Variants in UVRAG observed in about 807,000 individuals in gnomAD.
UVRAG encodes the protein UV radiation resistance associated.
A neutral mutation model predicts 78.0 loss-of-function variants in UVRAG; 19 were observed. The observed-to-expected ratio is 0.24, with a 90% CI of 0.17 to 0.36. The LOEUF (loss-of-function observed/expected upper bound fraction) is 0.36. Ranked by LOEUF, UVRAG falls within the 10% of genes least tolerant of loss-of-function variation. UVRAG has a pLI of 1.00. For synonymous variants in UVRAG, 323 were observed against 324.6 expected (o/e 1.00, Z 0.05); for missense variants, 740 against 853.8 (o/e 0.87, Z 1.66).
intron 5 of UVRAG, among the ~76,000 whole-genome samples, chr11:75,890,282 G>A (rs1947187742): frequency 6.6e-6 from 1 of 152,200 alleles, no homozygotes; most frequent in South Asian, 2.1e-4. Flanking sequence ...GAAGAGGCAA[G>A]AATATTTGTG....
At chr11:75,973,809 G>C (rs562664116) in intron 7 of UVRAG, among the ~76,000 whole-genome samples, 3 of 152,264 alleles carry the variant, frequency 2.0e-5, no homozygotes, top group African/African-American at 7.2e-5. Flanking sequence ...TGAGGTGTTT[G>C]GTTTTCTGTC....
chr11:76,028,469 C>T (rs1217795834), intron 12 of UVRAG, among the ~76,000 whole-genome samples: 1 of 152,118 alleles, frequency 6.6e-6, no homozygotes, highest in African/African-American at 2.4e-5. Context: ...CTGAGATGGG[C>T]TGAAAGCTAG....
chr11:76,047,282 C>T (rs1305280130), intron 12 of UVRAG, among the ~76,000 whole-genome samples: 1 of 152,118 alleles, frequency 6.6e-6, no homozygotes, highest in Non-Finnish European at 1.5e-5. Flanking sequence ...GGTTCAGTGC[C>T]AGCTGTGGCC....
At chr11:75,889,016 T>C in intron 5 of UVRAG, 113 bp downstream of exon 5, 1 of 890,720 alleles carries the variant, frequency 1.1e-6, no homozygotes, top group Non-Finnish European at 1.6e-6. Context: ...TGCTTTAAAT[T>C]TGTTGCTTAG....
intron 12 of UVRAG, among the ~76,000 whole-genome samples, chr11:76,047,225 A>G (rs1034164271): frequency 1.3e-5 from 2 of 152,318 alleles, no homozygotes; most frequent in South Asian, 4.1e-4. Context: ...CAGAGAGGAT[A>G]GAACATTTGC....
At chr11:75,887,633 G>C (rs919115595) in intron 4 of UVRAG, among the ~76,000 whole-genome samples, 1 of 151,954 alleles carries the variant, frequency 6.6e-6, no homozygotes, top group African/African-American at 2.4e-5. Context: ...ATTTTTAGTA[G>C]AGACGGGGTT....
chr11:76,076,800 T>TTGTA (rs1039701867), intron 13 of UVRAG, among the ~76,000 whole-genome samples: 16 of 128,298 alleles, frequency 1.2e-4, no homozygotes, highest in African/African-American at 5.8e-4. Flanking sequence ...TTAAATTAGG[T>TTGTA]TGTATTTATT....
intron 12 of UVRAG, among the ~76,000 whole-genome samples, chr11:76,036,279 C>T (rs1276981461): frequency 6.6e-6 from 1 of 152,154 alleles, no homozygotes; most frequent in Non-Finnish European, 1.5e-5. Flanking sequence ...CTGGGCACGG[C>T]AGCTCATGCC....
intron 12 of UVRAG, among the ~76,000 whole-genome samples, chr11:76,039,450 A>G (rs1460046426): frequency 6.6e-6 from 1 of 152,256 alleles, no homozygotes; most frequent in Non-Finnish European, 1.5e-5. Context: ...TTACAATAAA[A>G]TATTGTATTT....
At chr11:76,099,186 C>CT (rs1425367755) in intron 13 of UVRAG, among the ~76,000 whole-genome samples, 4 of 152,194 alleles carry the variant, frequency 2.6e-5, no homozygotes, top group African/African-American at 7.2e-5. Context: ...CCAAAAAAGT[C>CT]TATTAACTAC....
chr11:76,118,844 A>G (rs1308948758), intron 14 of UVRAG, among the ~76,000 whole-genome samples: 1 of 152,228 alleles, frequency 6.6e-6, no homozygotes, highest in African/African-American at 2.4e-5. Flanking sequence ...GCTTCATAAA[A>G]TAAATTGAGG....
intron 12 of UVRAG, among the ~76,000 whole-genome samples, chr11:76,022,484 A>G (rs1376397482): frequency 1.3e-5 from 2 of 151,932 alleles, no homozygotes; most frequent in South Asian, 2.1e-4. Context: ...TTGTGCACAT[A>G]TTTCTTGTTA....
chr11:75,957,153 A>G (rs1948815246), intron 6 of UVRAG, among the ~76,000 whole-genome samples: 2 of 152,034 alleles, frequency 1.3e-5, no homozygotes, highest in African/African-American at 4.8e-5. Context: ...CCAAGTTTGC[A>G]GGAGATAGTC....
At chr11:76,005,185 T>TA (rs1484633438) in intron 9 of UVRAG, among the ~76,000 whole-genome samples, 1 of 151,946 alleles carries the variant, frequency 6.6e-6, no homozygotes, top group Non-Finnish European at 1.5e-5. Context: ...CTACTAAAAA[T>TA]ACAAAAAATT....
At chr11:76,066,766 A>G (rs7115733) in intron 13 of UVRAG, among the ~76,000 whole-genome samples, 20,383 of 152,100 alleles carry the variant, frequency 0.13, 3,520 homozygotes, top group African/African-American at 0.4. Flanking sequence ...CCTTTAAAAC[A>G]CCCAGCCTAT....
At chr11:76,117,661 T>G (rs1952206242) in intron 14 of UVRAG, among the ~76,000 whole-genome samples, 2 of 152,066 alleles carry the variant, frequency 1.3e-5, no homozygotes, top group South Asian at 4.1e-4. Context: ...ATAATCACAA[T>G]GTAAACTGGA....
At chr11:76,030,150 A>G (rs1318072582) in intron 12 of UVRAG, among the ~76,000 whole-genome samples, 1 of 151,398 alleles carries the variant, frequency 6.6e-6, no homozygotes, top group Non-Finnish European at 1.5e-5. Context: ...CTGGGAAACA[A>G]AAAAAAAACT....
At chr11:76,011,509 C>T (rs1457376433) in intron 11 of UVRAG, among the ~76,000 whole-genome samples, 1 of 152,166 alleles carries the variant, frequency 6.6e-6, no homozygotes, top group Non-Finnish European at 1.5e-5. Context: ...CCTGTAATCT[C>T]AGCTACTTGG....
In UVRAG at chr11:76,065,761, C is replaced by T. The variant is rs765741773; in HGVS notation, c.1278C>T (p.Val426=). 1.2e-6 allele frequency: 2 copies of T among 1,613,908 alleles called. No homozygotes were observed. The highest frequency in any genetic ancestry group is 1.7e-6 in the Non-Finnish European group (2 of 1,179,940). The change falls in exon 13 of 15, where the codon GTC becomes GTT. Residue 426 remains valine (V), a synonymous_variant. Coordinates refer to ENST00000356136, the MANE Select transcript of UVRAG (RefSeq NM_003369.4). ...GGEKLQFDYG[V]YLLNKNIAQL... The stretch of plus-strand genomic sequence containing the variant: ...AGAAGTTGCAGTTTGATTATGGTGT[C>T]TATCTTCTGAACAAAAATATAGCAC...
Sources: gnomAD v4.1 joint callset for allele counts (sites outside exome capture counted in the v4.1 genomes callset) on GRCh38, gnomAD v4.1.1 for gene constraint, MANE v1.5 for transcripts, NCBI Gene and HGNC (gene_info 2026-07-23, HGNC 2026-07-21) for gene names.